SMCHD1: variants seen among roughly 807,000 people sequenced by gnomAD.
SMCHD1 encodes structural maintenance of chromosomes flexible hinge domain containing 1.
SMCHD1 carries 78 observed loss-of-function variants against 254.7 expected under a neutral mutation model. The observed-to-expected ratio is 0.31, with a 90% CI of 0.26 to 0.37. The LOEUF is 0.37. Among genes scored for constraint, SMCHD1 ranks in the 10% least tolerant of loss-of-function variants. SMCHD1 has a pLI of 1.00. For synonymous variants in SMCHD1, 766 were observed against 794.9 expected (o/e 0.96, Z 0.61); for missense variants, 1,840 against 2,408.1 (o/e 0.76, Z 4.94).
At chr18:2,740,680 A>G (rs1455403837) in intron 27 of SMCHD1, 23 bp from the exon 28 acceptor site, 1 of 1,338,210 alleles carries the variant, frequency 7.5e-7, no homozygotes, top group South Asian at 1.3e-5. Context: ...ATAATACTAA[A>G]ATAAAACTTC....
intron 17 of SMCHD1, among the ~76,000 whole-genome samples, chr18:2,714,111 A>G (rs2074742787): frequency 6.6e-6 from 1 of 152,114 alleles, no homozygotes; most frequent in African/African-American, 2.4e-5. Flanking sequence ...ATCCATTATT[A>G]TTGTATTGCT....
chr18:2,737,953 C>T (rs2075280647), intron 25 of SMCHD1, among the ~76,000 whole-genome samples: 1 of 152,000 alleles, frequency 6.6e-6, no homozygotes, highest in Admixed American at 6.6e-5. Flanking sequence ...CAAAGTATGG[C>T]CAGAAAGTTA....
intron 45 of SMCHD1, among the ~76,000 whole-genome samples, chr18:2,792,302 T>C (rs2076181293): frequency 6.6e-6 from 1 of 152,214 alleles, no homozygotes; most frequent in Admixed American, 6.5e-5. Flanking sequence ...TTACCTACAG[T>C]ATTTAGTACT....
chr18:2,777,056 A>ACCCCCCCCCCCCCC (rs140799401), intron 42 of SMCHD1, among the ~76,000 whole-genome samples: 2 of 90,630 alleles, frequency 2.2e-5, no homozygotes, highest in African/African-American at 3.1e-5. Flanking sequence ...GGCATGCACC[A>ACCCCCCCCCCCCCC]CCACCTCCCC....
At chr18:2,666,293 A>T (rs1228953918) in intron 2 of SMCHD1, 61 bp downstream of exon 2, 1 of 759,542 alleles carries the variant, frequency 1.3e-6, no homozygotes, top group African/African-American at 1.8e-5. Flanking sequence ...GTACATATAT[A>T]GCAATAACTT....
chr18:2,669,994 C>T (rs2073551787), intron 3 of SMCHD1, among the ~76,000 whole-genome samples: 1 of 152,186 alleles, frequency 6.6e-6, no homozygotes, highest in South Asian at 2.1e-4. Context: ...TTGCTACCAC[C>T]TGGTCTGGAG....
At chr18:2,661,434 T>G (rs1476917889) in intron 1 of SMCHD1, among the ~76,000 whole-genome samples, 1 of 152,106 alleles carries the variant, frequency 6.6e-6, no homozygotes, top group Non-Finnish European at 1.5e-5. Flanking sequence ...AATCTGTGGG[T>G]TTTTAATATG....
Position 2,763,737 on chromosome 18 carries a change from G to A in SMCHD1, c.4667G>A (p.Gly1556Glu). The stretch of plus-strand genomic sequence containing the variant: ...GATACTGATACCCCACTTTTTATTG[G>A]GAAAGTTAGAACACTTGAATTCCCC... ...EEDTDTPLFI[G>E]KVRTLEFPFV... Residue 1556 changes from glycine to glutamate, a missense_variant, in exon 37 of 48, where the codon GGG becomes GAG. Gly to Glu is a moderately conservative substitution (Grantham distance 98). Transcript: ENST00000320876. 1 of 1,609,756 alleles carries A rather than the reference G, an allele frequency of 6.2e-7. No individual in the cohort carries two copies. The highest frequency in any genetic ancestry group is 8.5e-7 in the Non-Finnish European group (1 of 1,178,026).
chr18:2,743,835 T>C lies in SMCHD1; in HGVS notation c.3708T>C (p.Phe1236=), dbSNP rs1490727696. Reference sequence around the variant, plus strand: ...CTCCTGGAAATAAGGATCTTTGTTTTACTTGGCGTGAGTTTTCTGACTTTA... The same window carrying C: ...CTCCTGGAAATAAGGATCTTTGTTTCACTTGGCGTGAGTTTTCTGACTTTA... ...PGPPGNKDLC[F]TWREFSDFIR... The change falls in exon 29 of 48, where the codon TTT becomes TTC. Residue 1236 remains phenylalanine, a synonymous_variant. Transcript: ENST00000320876. 11 of 1,613,300 alleles carry C rather than the reference T, an allele frequency of 6.8e-6. No homozygotes were observed. The highest frequency in any genetic ancestry group is 9.3e-6 in the Non-Finnish European group (11 of 1,179,622).
chr18:2,701,003 T>C (rs557066875), intron 12 of SMCHD1, 85 bp downstream of exon 12: 6 of 1,032,790 alleles, frequency 5.8e-6, no homozygotes, highest in Middle Eastern at 3.3e-4. Context: ...TAGGTTTTTA[T>C]TGATATTTTG....
rs192943119 is a variant in SMCHD1 at position 2,689,121 on chromosome 18, A to G, written c.873+374A>G. 4.1e-3 allele frequency among the ~76,000 whole-genome samples: 629 copies of G among 152,280 alleles called. 4 individuals are homozygous for G. The highest frequency in any genetic ancestry group is 0.015 in the African/African-American group (608 of 41,566). On this transcript the variant is annotated intron_variant, in intron 7 of 47. Coordinates refer to ENST00000320876, the MANE Select transcript of SMCHD1 (RefSeq NM_015295.3). ...TTTGCATTGAAATTCTTGTGTTCAT[A>G]AGACAAAATGTTAACAAATTTGAAT... is the stretch of plus-strand genomic sequence containing the variant.
At chr18:2,756,502 G>A (rs957449150) in intron 34 of SMCHD1, among the ~76,000 whole-genome samples, 1 of 152,138 alleles carries the variant, frequency 6.6e-6, no homozygotes, top group Admixed American at 6.6e-5. Context: ...TGGGGGGAAG[G>A]TTTTAGTGAT....
chr18:2,750,871 T>C (rs2075558020), intron 32 of SMCHD1, among the ~76,000 whole-genome samples: 1 of 152,106 alleles, frequency 6.6e-6, no homozygotes, highest in African/African-American at 2.4e-5. Flanking sequence ...TATAAAGTTT[T>C]AAATCTATTT....
rs1409604870 is a variant in SMCHD1 at position 2,697,866 on chromosome 18, T to C, written c.1167T>C (p.Ile389=). The C allele has an allele frequency of 1.2e-6, 2 of 1,613,362 alleles. No individual in the cohort carries two copies. ...SMFEKGKVPK[I]VNLREIQDDM... ...TTGAAAAAGGGAAGGTACCTAAGATTGTCAACCTAAGGGAAATACAAGACG... is the reference window on the plus strand; with the variant it reads ...TTGAAAAAGGGAAGGTACCTAAGATCGTCAACCTAAGGGAAATACAAGACG... The change falls in exon 10 of 48, where the codon ATT becomes ATC. Residue 389 remains isoleucine (I), a synonymous_variant. Transcript: ENST00000320876.
At position 2,656,136 on chromosome 18, in the gene SMCHD1, G is replaced by A. The variant is rs1598264877; in HGVS notation, c.61G>A (p.Gly21Arg). 3 of 1,494,970 alleles carry A rather than the reference G, an allele frequency of 2.0e-6. No homozygotes were observed. Among genetic ancestry groups the A allele is most frequent in the South Asian group, 1.3e-5 (1 of 75,812 alleles). 92.6% of individuals were successfully genotyped at this position (1,494,970 alleles called of 1,614,324 possible). The change falls in exon 1 of 48, where the codon GGA becomes AGA. Residue 21 changes from glycine to arginine, a missense_variant. Gly to Arg is a moderately radical substitution (Grantham distance 125). Transcript: ENST00000320876. ...CTCTGTGGGGACTGAGGAGGATGGC[G>A]GAGGCGTCGGCCACAGGACGGTGTA... is the stretch of plus-strand genomic sequence containing the variant. ...GASVGTEEDG[G>R]GVGHRTVYLF...
intron 33 of SMCHD1, 143 bp from the exon 34 acceptor site, chr18:2,752,345 A>T (rs1322414257): frequency 1.6e-6 from 1 of 634,034 alleles, no homozygotes; most frequent in African/African-American, 1.9e-5. Context: ...GAAGATATAA[A>T]CGTGTGTATA....
intron 17 of SMCHD1, among the ~76,000 whole-genome samples, chr18:2,709,329 G>T (rs1034741582): frequency 1.8e-4 from 28 of 151,384 alleles, no homozygotes; most frequent in African/African-American, 5.1e-4. Flanking sequence ...TTCACCTGTT[G>T]TCTATCGTGA....
At position 2,777,794 on chromosome 18, in the gene SMCHD1, C is replaced by T. The variant is rs1250509263; in HGVS notation, c.5367-12C>T. The T allele has an allele frequency of 4.2e-6, 6 of 1,413,014 alleles. No individual in the cohort carries two copies. Among genetic ancestry groups the T allele is most frequent in the Non-Finnish European group, 5.7e-6 (6 of 1,047,096 alleles). 87.5% of individuals were successfully genotyped at this position (1,413,014 alleles called of 1,614,324 possible). A position where few individuals can be genotyped will look rare whatever the true frequency, so the allele number is the denominator to read the frequency against. On this transcript the variant is annotated splice_polypyrimidine_tract_variant and intron_variant, in intron 42 of 47. Transcript: ENST00000320876. ...GTGCTTTAATATCTTTTTAAAATTT[C>T]TTTTTATTTAGATCTCTACCTCATT...
At chr18:2,680,997 G>A (rs1337540202) in intron 5 of SMCHD1, among the ~76,000 whole-genome samples, 1 of 152,158 alleles carries the variant, frequency 6.6e-6, no homozygotes. Context: ...TAGACTCAGT[G>A]GCTCACACCT....
Sources: gnomAD v4.1 joint callset for allele counts (sites outside exome capture counted in the v4.1 genomes callset) on GRCh38, gnomAD v4.1.1 for gene constraint, MANE v1.5 for transcripts, NCBI Gene and HGNC (gene_info 2026-07-23, HGNC 2026-07-21) for gene names.